Variants in FTO observed in about 807,000 individuals in gnomAD.
FTO encodes the protein alpha-ketoglutarate-dependent dioxygenase FTO.
FTO carries 47 observed loss-of-function variants against 63.9 expected under a neutral mutation model. The ratio of observed to expected loss-of-function variants is 0.74; its 90% CI spans 0.58 to 0.94. The LOEUF (loss-of-function observed/expected upper bound fraction) is 0.94. FTO is among the 40% of genes least tolerant of loss of function. The pLI is 0.00. For missense variants in FTO, 562 were observed against 618.1 expected (o/e 0.91, Z 0.96); for synonymous variants, 207 against 224.4 (o/e 0.92, Z 0.69).
intron 8 of FTO, among the ~76,000 whole-genome samples, chr16:54,010,412 C>T (rs1051341919): frequency 3.3e-5 from 5 of 152,192 alleles, no homozygotes; most frequent in Middle Eastern, 3.4e-3. Flanking sequence ...CCTCAAAAAC[C>T]GACCAGCCAA....
chr16:54,100,865 G>A (rs1305392374), intron 8 of FTO, among the ~76,000 whole-genome samples: 2 of 152,156 alleles, frequency 1.3e-5, no homozygotes, highest in African/African-American at 4.8e-5. Context: ...CATGGCTTGG[G>A]AGGTGCCCTG....
chr16:53,745,228 A>ATATT (rs751765389), intron 1 of FTO, among the ~76,000 whole-genome samples: 13 of 152,228 alleles, frequency 8.5e-5, no homozygotes, highest in Non-Finnish European at 1.6e-4. Flanking sequence ...TTGCTAATGA[A>ATATT]TAATTCCCTT....
chr16:53,840,733 G>A (rs2079450327), intron 3 of FTO, among the ~76,000 whole-genome samples: 1 of 152,154 alleles, frequency 6.6e-6, no homozygotes, highest in Non-Finnish European at 1.5e-5. Context: ...CTTTGCTGTG[G>A]TTAGGCAGGT....
intron 1 of FTO, among the ~76,000 whole-genome samples, chr16:53,709,204 T>C (rs1423683459): frequency 2.0e-5 from 3 of 152,252 alleles, no homozygotes; most frequent in Non-Finnish European, 4.4e-5. Context: ...TATGGACTTT[T>C]ATGCTGTTTC....
rs559041992 is a variant in FTO at position 53,882,163 on chromosome 16, A to G, written c.1119+2176A>G. 2.0e-5 allele frequency among the ~76,000 whole-genome samples: 3 copies of G among 152,338 alleles called. No individual in the cohort carries two copies. The South Asian group carries it at 6.2e-4, about 32-fold the overall frequency. On this transcript the variant is annotated intron_variant, in intron 6 of 8. Coordinates refer to ENST00000471389, the MANE Select transcript of FTO (RefSeq NM_001080432.3). ...CTGAGACTTTCTTTTTGATATAATA[A>G]GAAGGATTGATGGGGAATTTGGAGT...
chr16:54,085,795 G>T (rs1411105452), intron 8 of FTO, among the ~76,000 whole-genome samples: 1 of 152,186 alleles, frequency 6.6e-6, no homozygotes, highest in Admixed American at 6.5e-5. Context: ...TCGTCTCGCT[G>T]TAGTTGTTGG....
chr16:53,779,896 C>G (rs577100027), intron 1 of FTO, among the ~76,000 whole-genome samples: 16 of 152,286 alleles, frequency 1.1e-4, no homozygotes, highest in African/African-American at 3.9e-4. Context: ...GTACAATTTT[C>G]TCCACTTCTG....
At chr16:53,818,601 G>T (rs966821156) in intron 2 of FTO, among the ~76,000 whole-genome samples, 1 of 151,260 alleles carries the variant, frequency 6.6e-6, no homozygotes, top group Non-Finnish European at 1.5e-5. Context: ...TGATGCTCAA[G>T]TACATTACTC....
intron 4 of FTO, among the ~76,000 whole-genome samples, chr16:53,844,643 T>C (rs147098414): frequency 2.7e-4 from 35 of 129,262 alleles, no homozygotes; most frequent in African/African-American, 9.9e-4. Flanking sequence ...GTATTTTTAG[T>C]AGAGATGGGT....
At chr16:53,959,531 A>G (rs1327052253) in intron 8 of FTO, among the ~76,000 whole-genome samples, 1 of 151,730 alleles carries the variant, frequency 6.6e-6, no homozygotes, top group Non-Finnish European at 1.5e-5. Flanking sequence ...TATAATTATT[A>G]TTGTCATTAT....
At chr16:53,889,127 C>T (rs1286886926) in intron 7 of FTO, among the ~76,000 whole-genome samples, 176 bp downstream of exon 7, 2 of 152,176 alleles carry the variant, frequency 1.3e-5, no homozygotes, top group Non-Finnish European at 2.9e-5. Context: ...CAGTTTAGTT[C>T]AATAAGCATT....
At chr16:53,839,886 C>G (rs955467619) in intron 3 of FTO, among the ~76,000 whole-genome samples, 8 of 151,588 alleles carry the variant, frequency 5.3e-5, no homozygotes, top group African/African-American at 1.9e-4. Context: ...CTCACTGCAA[C>G]CTCTGCCTCC....
chr16:53,878,976 G>T (rs1404176313), intron 5 of FTO, among the ~76,000 whole-genome samples: 1 of 152,188 alleles, frequency 6.6e-6, no homozygotes, highest in East Asian at 1.9e-4. Context: ...AAAGAGAAAT[G>T]AGTTCTTTGC....
At chr16:53,715,481 G>A (rs778792197) in intron 1 of FTO, among the ~76,000 whole-genome samples, 6 of 152,186 alleles carry the variant, frequency 3.9e-5, no homozygotes, top group African/African-American at 9.6e-5. Flanking sequence ...GTGGTTTGTC[G>A]ATTGAACCCA....
intron 8 of FTO, among the ~76,000 whole-genome samples, chr16:53,959,734 C>T (rs778376283): frequency 6.6e-6 from 1 of 151,936 alleles, no homozygotes; most frequent in African/African-American, 2.4e-5. Flanking sequence ...TCAAACTACC[C>T]CAGCCTAATT....
rs371704660 is a variant in FTO at position 53,934,027 on chromosome 16, G to A, written c.1282G>A (p.Val428Met). The A allele has an allele frequency of 3.0e-5, 49 of 1,613,848 alleles. No homozygotes were observed. The highest frequency in any genetic ancestry group is 4.0e-5 in the African/African-American group (3 of 74,898). Reference sequence around the variant, plus strand: ...TGAAGTTAAAAGAGAGGGGCTCCCCGTGGAACAAAGGAATGAAATCTTGAC... The same window carrying A: ...TGAAGTTAAAAGAGAGGGGCTCCCCATGGAACAAAGGAATGAAATCTTGAC... Reference protein sequence around the residue: ...LHEVKREGLPVEQRNEILTAI... With the variant: ...LHEVKREGLPMEQRNEILTAI... The change falls in exon 8 of 9, where the codon GTG becomes ATG. Residue 428 changes from valine (V) to methionine (M), a missense_variant. Physicochemically the swap from Val to Met is conservative, Grantham distance 21. Coordinates refer to ENST00000471389, the MANE Select transcript of FTO (RefSeq NM_001080432.3).
intron 2 of FTO, among the ~76,000 whole-genome samples, chr16:53,825,606 A>C (rs3848299): frequency 0.77 from 117,546 of 152,012 alleles, 45,542 homozygotes; most frequent in African/African-American, 0.83. Context: ...GTATCAGGAC[A>C]CACATTATTA....
intron 1 of FTO, among the ~76,000 whole-genome samples, chr16:53,709,954 C>T (rs897346314): frequency 2.6e-5 from 4 of 152,054 alleles, no homozygotes; most frequent in Non-Finnish European, 5.9e-5. Flanking sequence ...TTATTTCATC[C>T]AAAGTCCATA....
intron 7 of FTO, among the ~76,000 whole-genome samples, chr16:53,904,203 G>A (rs2081479116): frequency 6.6e-6 from 1 of 152,022 alleles, no homozygotes; most frequent in African/African-American, 2.4e-5. Context: ...AATGATTGGT[G>A]AAAAATGGTG....
Sources: gnomAD v4.1 joint callset for allele counts (sites outside exome capture counted in the v4.1 genomes callset) on GRCh38, gnomAD v4.1.1 for gene constraint, MANE v1.5 for transcripts, NCBI Gene and HGNC (gene_info 2026-07-23, HGNC 2026-07-21) for gene names.